Variants in SLC44A5 observed in about 807,000 individuals in gnomAD.
SLC44A5 encodes choline transporter-like protein 5.
Under a neutral mutation model 101.8 loss-of-function variants are expected in SLC44A5, and 57 were observed. The ratio of observed to expected loss-of-function variants is 0.56; its 90% CI spans 0.45 to 0.70. The LOEUF is 0.70. Among genes scored for constraint, SLC44A5 ranks in the 30% least tolerant of loss-of-function variants. The pLI, the probability that SLC44A5 is intolerant of heterozygous loss-of-function variation, is 0.00. For missense variants in SLC44A5, 737 were observed against 853.1 expected (o/e 0.86, Z 1.70); for synonymous variants, 281 against 290.9 (o/e 0.97, Z 0.35).
chr1:75,275,345 C>T (rs1478717272), intron 5 of SLC44A5, among the ~76,000 whole-genome samples: 1 of 152,090 alleles, frequency 6.6e-6, no homozygotes, highest in Non-Finnish European at 1.5e-5. Flanking sequence ...TATAAAAGCT[C>T]AGTTGGCTAG....
intron 1 of SLC44A5, among the ~76,000 whole-genome samples, chr1:75,554,124 C>T (rs946117575): frequency 2.0e-5 from 3 of 152,098 alleles, no homozygotes; most frequent in Admixed American, 6.6e-5. Context: ...TTAATTCTGT[C>T]TGCAGATAAA....
intron 2 of SLC44A5, among the ~76,000 whole-genome samples, chr1:75,454,035 C>A (rs567617352): frequency 1.1e-4 from 16 of 152,134 alleles, no homozygotes; most frequent in Admixed American, 3.3e-4. Context: ...GGGACTCTTC[C>A]CTAACTCATT....
chr1:75,344,987 C>T (rs989767405), intron 3 of SLC44A5, among the ~76,000 whole-genome samples: 4 of 151,764 alleles, frequency 2.6e-5, no homozygotes, highest in Admixed American at 2.0e-4. Context: ...GTACACATAG[C>T]AGGCATTCAG....
intron 7 of SLC44A5, among the ~76,000 whole-genome samples, chr1:75,246,192 G>C (rs771220034): frequency 3.3e-5 from 5 of 151,998 alleles, no homozygotes; most frequent in African/African-American, 4.8e-5. Context: ...GTTACAAATT[G>C]GAATTTGGTG....
intron 2 of SLC44A5, chr1:75,521,439 A>G (rs1670118351): frequency 6.6e-6 from 1 of 152,218 alleles, no homozygotes; most frequent in South Asian, 2.1e-4. Flanking sequence ...CTGAAATGTG[A>G]ATATCTGTCT....
intron 2 of SLC44A5, among the ~76,000 whole-genome samples, chr1:75,437,038 C>T (rs1183236569): frequency 1.3e-5 from 2 of 152,032 alleles, no homozygotes; most frequent in Non-Finnish European, 2.9e-5. Flanking sequence ...GATAACAAGG[C>T]CATCTTCTGG....
intron 2 of SLC44A5, among the ~76,000 whole-genome samples, chr1:75,478,189 G>A (rs985553027): frequency 6.6e-6 from 1 of 152,086 alleles, no homozygotes; most frequent in Non-Finnish European, 1.5e-5. Flanking sequence ...ATCCTTTACA[G>A]ACAAGCAAAT....
At chr1:75,586,992 G>A (rs907859278) in intron 1 of SLC44A5, among the ~76,000 whole-genome samples, 2 of 152,050 alleles carry the variant, frequency 1.3e-5, no homozygotes, top group African/African-American at 4.8e-5. Context: ...CAAAGCAGTG[G>A]TTCTCAAAAT....
intron 2 of SLC44A5, among the ~76,000 whole-genome samples, chr1:75,536,583 A>G (rs965603220): frequency 2.8e-5 from 4 of 140,746 alleles, no homozygotes; most frequent in African/African-American, 1.1e-4. Flanking sequence ...CCTGGGCGAC[A>G]GAGCAAGACT....
intron 1 of SLC44A5, among the ~76,000 whole-genome samples, chr1:75,590,516 G>A (rs1355792834): frequency 1.3e-5 from 2 of 152,104 alleles, no homozygotes; most frequent in African/African-American, 2.4e-5. Flanking sequence ...CCAATTCCAG[G>A]ACTTGACTCT....
the SLC44A5 span, among the ~76,000 whole-genome samples, chr1:75,693,739 G>A: frequency 1.3e-5 from 2 of 152,120 alleles, no homozygotes; most frequent in Non-Finnish European, 2.9e-5. Flanking sequence ...GACCAGTGAG[G>A]TAGGAGAAAA....
chr1:75,466,560 G>A (rs946108264), intron 2 of SLC44A5, among the ~76,000 whole-genome samples: 3 of 150,754 alleles, frequency 2.0e-5, no homozygotes, highest in Admixed American at 6.6e-5. Flanking sequence ...GGGGGCCAAA[G>A]CAGGAGAATT....
the SLC44A5 span, among the ~76,000 whole-genome samples, chr1:75,682,315 G>T: frequency 0.044 from 6,640 of 152,050 alleles, 192 homozygotes; most frequent in African/African-American, 0.091. Context: ...TCAGCCAAAA[G>T]AACAAAGCTG....
At chr1:75,536,831 C>T (rs906482746) in intron 2 of SLC44A5, among the ~76,000 whole-genome samples, 1 of 140,832 alleles carries the variant, frequency 7.1e-6, no homozygotes, top group Non-Finnish European at 1.5e-5. Flanking sequence ...ACGGTGAAAC[C>T]CCGTCTCTAC....
intron 3 of SLC44A5, among the ~76,000 whole-genome samples, chr1:75,344,855 C>T (rs111249564): frequency 6.6e-6 from 1 of 151,888 alleles, no homozygotes; most frequent in Non-Finnish European, 1.5e-5. Flanking sequence ...AATTCATTAC[C>T]ACAGCAATAG....
the SLC44A5 span, among the ~76,000 whole-genome samples, chr1:75,722,681 G>T: frequency 6.6e-6 from 1 of 152,180 alleles, no homozygotes; most frequent in African/African-American, 2.4e-5. Context: ...TTGCTCACGA[G>T]AAGCAGGGAG....
At chr1:75,363,181 A>G (rs949105234) in intron 3 of SLC44A5, among the ~76,000 whole-genome samples, 2 of 151,852 alleles carry the variant, frequency 1.3e-5, no homozygotes, top group Admixed American at 6.6e-5. Context: ...TTTTCACTCT[A>G]TGTATCTCTT....
Position 75,531,918 on chromosome 1 carries a change from A to G in SLC44A5, c.13+9517T>C, listed in dbSNP as rs553600626. ...AAGGCACAGAATGCTGGGAGCCAAA[A>G]CAGTAGAGAATAGCTAATTTCAGTA... On this transcript the variant is annotated intron_variant, in intron 2 of 23. Transcript: ENST00000370859. Among the ~76,000 whole-genome samples the G allele has an allele frequency of 3.3e-5, 5 of 152,304 alleles. No individual in the cohort carries two copies. In the South Asian group the frequency reaches 1.0e-3, roughly 32 times the overall value.
chr1:75,517,733 A>G (rs1669914583), intron 2 of SLC44A5, among the ~76,000 whole-genome samples: 2 of 152,182 alleles, frequency 1.3e-5, no homozygotes, highest in Admixed American at 6.5e-5. Flanking sequence ...AAACTCATAA[A>G]CATCAAAGAA....
Sources: allele counts gnomAD v4.1 joint callset (sites outside exome capture counted in the v4.1 genomes callset), GRCh38; gene constraint gnomAD v4.1.1; transcripts MANE v1.5; gene names NCBI Gene and HGNC (gene_info 2026-07-23, HGNC 2026-07-21).